Variants in CHP1 observed in about 807,000 individuals in gnomAD.
The protein encoded by CHP1 is calcineurin like EF-hand protein 1.
Under a neutral mutation model 27.4 loss-of-function variants are expected in CHP1, and 11 were observed. That is an observed-to-expected ratio of 0.40 (90% CI 0.25 to 0.67). The LOEUF (loss-of-function observed/expected upper bound fraction) is 0.67. Ranked by LOEUF, CHP1 falls within the 30% of genes least tolerant of loss-of-function variation. The pLI is 0.38. For synonymous variants in CHP1, 89 were observed against 87.4 expected (o/e 1.02, Z -0.10); for missense variants, 169 against 251.3 (o/e 0.67, Z 2.22).
intron 5 of CHP1, among the ~76,000 whole-genome samples, chr15:41,277,046 G>A (rs1284682260): frequency 6.6e-6 from 1 of 152,198 alleles, no homozygotes; most frequent in African/African-American, 2.4e-5. Flanking sequence ...TTCTTATCCA[G>A]TCACCTAGAT....
intron 4 of CHP1, among the ~76,000 whole-genome samples, chr15:41,265,288 TG>T (rs2047454354): frequency 7.7e-6 from 1 of 129,874 alleles, no homozygotes; most frequent in Non-Finnish European, 1.6e-5. Context: ...TGCTTGAACC[TG>T]GGAGGTGGAG....
At chr15:41,278,406 G>A (rs576731699) in intron 5 of CHP1, among the ~76,000 whole-genome samples, 1 of 151,908 alleles carries the variant, frequency 6.6e-6, no homozygotes, top group South Asian at 2.1e-4. Flanking sequence ...AGTTATGTAG[G>A]TAAACTCTTG....
intron 3 of CHP1, among the ~76,000 whole-genome samples, chr15:41,259,945 G>T (rs2047423892): frequency 6.6e-6 from 1 of 152,218 alleles, no homozygotes; most frequent in Non-Finnish European, 1.5e-5. Context: ...GGCCAGGCTG[G>T]TTTTGAACTC....
intron 1 of CHP1, among the ~76,000 whole-genome samples, chr15:41,239,429 A>C (rs922783898): frequency 2.0e-5 from 3 of 151,596 alleles, no homozygotes; most frequent in Non-Finnish European, 2.9e-5. Flanking sequence ...TTTGAGGCGG[A>C]GTCTCACTCT....
chr15:41,243,573 C>T, intron 1 of CHP1, 94 bp from the exon 2 acceptor site: 2 of 886,260 alleles, frequency 2.3e-6, no homozygotes, highest in Non-Finnish European at 3.7e-6. Flanking sequence ...ACATCCCAGT[C>T]CTACTGAATT....
chr15:41,262,480 G>C (rs1375054070), intron 3 of CHP1, among the ~76,000 whole-genome samples: 1 of 152,144 alleles, frequency 6.6e-6, no homozygotes, highest in Non-Finnish European at 1.5e-5. Context: ...ACAGATGCAA[G>C]TAAATTCAAT....
chr15:41,274,116 A>G (rs1479529070), intron 5 of CHP1, among the ~76,000 whole-genome samples: 1 of 151,784 alleles, frequency 6.6e-6, no homozygotes, highest in Admixed American at 6.6e-5. Context: ...ACCTGCCACC[A>G]CGCCTGGCTA....
At position 41,271,562 on chromosome 15, in the gene CHP1, T is replaced by C. The variant is rs142149987; in HGVS notation, c.411+944T>C. ...GCCAGGTAATTCTGATGACACTTAG[T>C]TAAATGCTGTTATTTAGTCTGTCCT... On this transcript the variant is annotated intron_variant, in intron 5 of 6. Coordinates refer to ENST00000334660, the MANE Select transcript of CHP1 (RefSeq NM_007236.5). Among the ~76,000 whole-genome samples the C allele has an allele frequency of 4.6e-5, 7 of 152,344 alleles. 1 individual carries two copies. Among genetic ancestry groups the C allele is most frequent in the African/African-American group, 1.7e-4 (7 of 41,584 alleles).
intron 1 of CHP1, among the ~76,000 whole-genome samples, chr15:41,233,437 G>A (rs1019453057): frequency 1.3e-5 from 2 of 152,186 alleles, no homozygotes; most frequent in Admixed American, 1.3e-4. Flanking sequence ...CATGTGGCTT[G>A]TGGACAAACA....
chr15:41,238,312 G>A (rs762049932), intron 1 of CHP1, among the ~76,000 whole-genome samples: 1 of 151,746 alleles, frequency 6.6e-6, no homozygotes, highest in Non-Finnish European at 1.5e-5. Flanking sequence ...AATGCACCAC[G>A]ATGCCCAGCT....
At chr15:41,271,286 T>C (rs1427888257) in intron 5 of CHP1, among the ~76,000 whole-genome samples, 2 of 138,042 alleles carry the variant, frequency 1.4e-5, no homozygotes, top group African/African-American at 5.5e-5. Flanking sequence ...AAATTAGCCG[T>C]CTGTGGTGGT....
chr15:41,281,715 G>A lies in CHP1; in HGVS notation c.*2326G>A, dbSNP rs945500900. On this transcript the variant is annotated 3_prime_UTR_variant, in exon 7 of 7. Transcript: ENST00000334660. ...GTAAAAGGGAAGAATGTCTGATACT[G>A]ATCTATTAGAGAGGTACTTTAGAGG... 3.3e-5 allele frequency: 5 copies of A among 152,592 alleles called. No individual in the cohort carries two copies. Among genetic ancestry groups the A allele is most frequent in the African/African-American group, 2.4e-5 (1 of 41,432 alleles). 9.5% of individuals were successfully genotyped at this position (152,592 alleles called of 1,614,324 possible).
At chr15:41,270,974 G>A (rs8030177) in intron 5 of CHP1, among the ~76,000 whole-genome samples, 4,580 of 152,142 alleles carry the variant, frequency 0.03, 245 homozygotes, top group African/African-American at 0.1. Context: ...ATTAGCCATC[G>A]GCCGGGCGCT....
At chr15:41,246,434 C>T (rs146016340) in intron 2 of CHP1, among the ~76,000 whole-genome samples, 94 of 151,322 alleles carry the variant, frequency 6.2e-4, no homozygotes, top group African/African-American at 1.9e-3. Context: ...ATTCTCCTGC[C>T]TCAGCTTCCT....
intron 4 of CHP1, 23 bp from the exon 5 acceptor site, chr15:41,270,530 GACTA>G (rs772835846): frequency 7.6e-6 from 12 of 1,587,814 alleles, no homozygotes; most frequent in Non-Finnish European, 8.6e-6. Context: ...ACAGAATTTT[GACTA>G]ACTTTGTGTT....
intron 5 of CHP1, among the ~76,000 whole-genome samples, chr15:41,274,600 G>C (rs916901508): frequency 6.6e-6 from 1 of 151,666 alleles, no homozygotes; most frequent in African/African-American, 2.4e-5. Context: ...CTTTTATCCC[G>C]ACCCTCCGAC....
rs541926014 is a variant in CHP1, at chr15:41,265,659, C to A, written c.349+2776C>A. ...CTGGGGGGCAGAGGTTGCAGTTAGC[C>A]GAGATTGCACCATTACTCTCCAGCC... is the stretch of plus-strand genomic sequence containing the variant. On this transcript the variant is annotated intron_variant, in intron 4 of 6. Coordinates refer to ENST00000334660, the MANE Select transcript of CHP1 (RefSeq NM_007236.5). Among the ~76,000 whole-genome samples the A allele has an allele frequency of 6.0e-5, 9 of 149,600 alleles. No homozygotes were observed. The East Asian group carries it at 1.6e-3, about 26-fold the overall frequency.
chr15:41,261,952 A>C (rs2047435439), intron 3 of CHP1, among the ~76,000 whole-genome samples: 1 of 150,190 alleles, frequency 6.7e-6, no homozygotes, highest in Admixed American at 6.7e-5. Flanking sequence ...AGATCGCGCC[A>C]TTGCATTCCA....
chr15:41,255,162 A>G (rs920784488), intron 2 of CHP1, among the ~76,000 whole-genome samples: 2 of 152,140 alleles, frequency 1.3e-5, no homozygotes, highest in Non-Finnish European at 2.9e-5. Flanking sequence ...ATATTATCCA[A>G]TAATGTCCTT....
Sources: gnomAD v4.1 joint callset for allele counts (sites outside exome capture counted in the v4.1 genomes callset) on GRCh38, gnomAD v4.1.1 for gene constraint, MANE v1.5 for transcripts, NCBI Gene and HGNC (gene_info 2026-07-23, HGNC 2026-07-21) for gene names.